The following CDH3 variants were observed in gnomAD, a reference collection of about 807,000 sequenced individuals.
CDH3 encodes cadherin-3.
In CDH3, 54 loss-of-function variants were observed where a neutral mutation model predicts 82.0. That is an observed-to-expected ratio of 0.66 (90% CI 0.53 to 0.83). The LOEUF (loss-of-function observed/expected upper bound fraction) is 0.83. CDH3 is among the 40% of genes least tolerant of loss of function. The pLI, the probability that CDH3 is intolerant of heterozygous loss-of-function variation, is 0.00. For missense variants in CDH3, 1,054 were observed against 1,084.6 expected, an observed-to-expected ratio of 0.97 and a Z score of 0.40; for synonymous variants, 446 against 437.9, an observed-to-expected ratio of 1.02 and a Z score of -0.23.
intron 12 of CDH3, 115 bp downstream of exon 12, chr16:68,687,851 A>G (rs1029676067): frequency 1.3e-6 from 1 of 757,896 alleles, no homozygotes; most frequent in East Asian, 2.7e-5. Flanking sequence ...CATGGGGACA[A>G]TGATCTCCTC....
At chr16:68,702,450 A>C (rs184290739), downstream of CDH3, among the ~76,000 whole-genome samples, 1 of 152,260 alleles carries the variant, frequency 6.6e-6, no homozygotes, top group East Asian at 1.9e-4. Context: ...GCTTCCTTGA[A>C]TGTGGGGTTC....
chr16:68,695,382 C>T lies in CDH3; in HGVS notation c.2130C>T (p.Asp710=), dbSNP rs977506327. 3.7e-6 allele frequency: 6 copies of T among 1,609,448 alleles called. No homozygotes were observed. In the Admixed American group the frequency reaches 5.1e-5, roughly 14 times the overall value. The change falls in exon 14 of 16, where the codon GAC becomes GAT. Residue 710 remains aspartate, a synonymous_variant. Coordinates refer to ENST00000264012, the MANE Select transcript of CDH3 (RefSeq NM_001793.6). The part of the protein sequence containing the change: ...YYGEEGGGEE[D]QDYDITQLHR... Reference sequence around the variant, plus strand: ...GCGAAGAGGGGGGTGGCGAAGAGGACCAGGTGGGGCACTGGGGGCTCTGGG... The same window carrying T: ...GCGAAGAGGGGGGTGGCGAAGAGGATCAGGTGGGGCACTGGGGGCTCTGGG...
chr16:68,733,311 T>A, the CDH3 span, among the ~76,000 whole-genome samples: 1 of 152,124 alleles, frequency 6.6e-6, no homozygotes, highest in African/African-American at 2.4e-5. Context: ...GTTGGGGAGA[T>A]GGGGTTTCAC....
At chr16:68,712,071 G>A (rs1427081092) in intron 1 of CDH3, among the ~76,000 whole-genome samples, 5 of 126,572 alleles carry the variant, frequency 4.0e-5, no homozygotes, top group East Asian at 2.3e-4. Context: ...AGACTCTCGC[G>A]ATGTCACCCA....
intron 2 of CDH3, among the ~76,000 whole-genome samples, chr16:68,673,219 T>C (rs1188075061): frequency 2.0e-5 from 3 of 152,232 alleles, no homozygotes; most frequent in African/African-American, 7.2e-5. Context: ...TGCCAAATTG[T>C]TTTCCAAAGT....
intron 1 of CDH3, among the ~76,000 whole-genome samples, chr16:68,712,634 C>T (rs1020149109): frequency 2.6e-5 from 4 of 151,444 alleles, no homozygotes; most frequent in East Asian, 1.9e-4. Flanking sequence ...TATGGGAGAA[C>T]GGTGGGAGAA....
intron 3 of CDH3, among the ~76,000 whole-genome samples, chr16:68,677,755 GAAA>G (rs969044011): frequency 3.4e-4 from 51 of 152,062 alleles, no homozygotes; most frequent in Admixed American, 3.1e-3. Context: ...GGAAAAGAAA[GAAA>G]AAAAGATCTT....
chr16:68,719,204 T>C (rs917098893), intron 1 of CDH3, among the ~76,000 whole-genome samples: 4 of 150,080 alleles, frequency 2.7e-5, no homozygotes, highest in Non-Finnish European at 5.9e-5. Context: ...GATTGTGCCA[T>C]TGCACTCCAG....
At chr16:68,687,386 C>A in intron 11 of CDH3, 126 bp from the exon 12 acceptor site, 1 of 710,816 alleles carries the variant, frequency 1.4e-6, no homozygotes, top group South Asian at 1.6e-5. Context: ...CATGTATGTG[C>A]CATGTATTGG....
chr16:68,654,713 A>ATATATAT (rs1555504518), intron 2 of CDH3, among the ~76,000 whole-genome samples: 1 of 91,128 alleles, frequency 1.1e-5, no homozygotes. Context: ...AAAAAAAAAA[A>ATATATAT]ATATATATAT....
At position 68,676,477 on chromosome 16, in the gene CDH3, T is replaced by C. The variant is rs113195974; in HGVS notation, c.246+7T>C. On this transcript the variant is annotated splice_region_variant and intron_variant, in intron 3 of 15. Coordinates refer to ENST00000264012, the MANE Select transcript of CDH3 (RefSeq NM_001793.6). ...GAATGGCGAGACAGTCCAGGTAAAA[T>C]ACCATGTCCACCTGCAGGACAAAAG... is the stretch of plus-strand genomic sequence containing the variant. The C allele has an allele frequency of 3.7e-6, 6 of 1,601,096 alleles. No individual in the cohort carries two copies. The highest frequency in any genetic ancestry group is 2.7e-5 in the African/African-American group (2 of 74,780).
At chr16:68,645,527 C>T (rs1257896840) in intron 1 of CDH3, 103 bp downstream of exon 1, 2 of 1,470,374 alleles carry the variant, frequency 1.4e-6, no homozygotes, top group African/African-American at 2.8e-5. Flanking sequence ...GGCTGCGCTC[C>T]CTGGGGCCAA....
chr16:68,709,539 A>C (rs1485651156), intron 1 of CDH3, among the ~76,000 whole-genome samples: 3 of 152,014 alleles, frequency 2.0e-5, no homozygotes, highest in Non-Finnish European at 4.4e-5. Flanking sequence ...GCTTACTGCA[A>C]CCTCTGCCTC....
intron 1 of CDH3, among the ~76,000 whole-genome samples, chr16:68,718,001 A>G (rs9932679): frequency 0.22 from 33,311 of 151,640 alleles, 4,160 homozygotes; most frequent in East Asian, 0.28. Context: ...TCTTTTTGAG[A>G]CAGAGTCTCA....
chr16:68,664,469 G>A (rs903642630), intron 2 of CDH3, among the ~76,000 whole-genome samples: 3 of 152,110 alleles, frequency 2.0e-5, no homozygotes, highest in Non-Finnish European at 4.4e-5. Flanking sequence ...TCCAGAAGCT[G>A]ACTCAGTAGA....
chr16:68,671,420 A>G (rs4280230), intron 2 of CDH3, among the ~76,000 whole-genome samples: 130,030 of 152,088 alleles, frequency 0.85, 55,754 homozygotes, highest in Non-Finnish European at 0.89. Context: ...GGCTTCACAT[A>G]GTCTTCCCTC....
chr16:68,654,897 G>T (rs1021875443), intron 2 of CDH3, among the ~76,000 whole-genome samples: 1 of 151,722 alleles, frequency 6.6e-6, no homozygotes, highest in East Asian at 1.9e-4. Flanking sequence ...TTAGCCTGGC[G>T]TGGTGGTGTG....
chr16:68,650,770 A>G (rs1000204769), intron 2 of CDH3, among the ~76,000 whole-genome samples: 1 of 152,100 alleles, frequency 6.6e-6, no homozygotes, highest in Non-Finnish European at 1.5e-5. Flanking sequence ...TGGACGTGCC[A>G]GCAGGGACCC....
At chr16:68,705,702 G>A (rs887240939) in intron 1 of CDH3, among the ~76,000 whole-genome samples, 4 of 151,500 alleles carry the variant, frequency 2.6e-5, no homozygotes, top group African/African-American at 4.8e-5. Flanking sequence ...GATTACAGGC[G>A]TGAGCCGCCG....
Sources: allele counts gnomAD v4.1 joint callset (sites outside exome capture counted in the v4.1 genomes callset), GRCh38; gene constraint gnomAD v4.1.1; transcripts MANE v1.5; gene names NCBI Gene and HGNC (gene_info 2026-07-23, HGNC 2026-07-21).